MVB12B: variants seen among roughly 807,000 people sequenced by gnomAD.
MVB12B encodes ESCRT-I complex subunit MVB12B.
MVB12B carries 16 observed loss-of-function variants against 41.6 expected under a neutral mutation model. The observed-to-expected ratio is 0.38, with a 90% CI of 0.26 to 0.58. The LOEUF (loss-of-function observed/expected upper bound fraction) is 0.58, where lower values mean the gene tolerates loss of function less well. Ranked by LOEUF, MVB12B falls within the 20% of genes least tolerant of loss-of-function variation. The pLI is 0.62. For synonymous variants in MVB12B, 133 were observed against 139.7 expected (o/e 0.95, Z 0.34); for missense variants, 274 against 380.2 (o/e 0.72, Z 2.32).
rs541189865 is a variant in MVB12B at position 126,413,876 on chromosome 9, G to A, written c.663-7978G>A. Among the ~76,000 whole-genome samples, 14 of 147,424 alleles carry A rather than the reference G, an allele frequency of 9.5e-5. 1 individual carries two copies. In the South Asian group the frequency reaches 2.8e-3, roughly 30 times the overall value. On this transcript the variant is annotated intron_variant, in intron 6 of 9. Coordinates refer to ENST00000361171, the MANE Select transcript of MVB12B (RefSeq NM_033446.3). ...TGTATAAGGGTTGGGAGATCAAAGT[G>A]GCAGGTGCCTCTGACTATGAGTGCG... is the stretch of plus-strand genomic sequence containing the variant.
At chr9:126,487,766 C>CAAAAAA (rs570639548) in intron 9 of MVB12B, among the ~76,000 whole-genome samples, 1 of 108,904 alleles carries the variant, frequency 9.2e-6, no homozygotes, top group South Asian at 3.0e-4. Flanking sequence ...GACTCCGTCT[C>CAAAAAA]AAAAAAAAAA....
intron 1 of MVB12B, among the ~76,000 whole-genome samples, chr9:126,329,413 G>A (rs542804146): frequency 2.6e-5 from 4 of 152,250 alleles, no homozygotes; most frequent in African/African-American, 7.2e-5. Context: ...TTTCAGGTCC[G>A]ATGTTTATAC....
At chr9:126,364,792 C>T (rs2118903509) in intron 2 of MVB12B, among the ~76,000 whole-genome samples, 1 of 152,278 alleles carries the variant, frequency 6.6e-6, no homozygotes, top group African/African-American at 2.4e-5. Flanking sequence ...TGCTCTGTTG[C>T]CCAGGCTGGA....
Position 126,376,756 on chromosome 9 carries a change from TC to T in MVB12B, c.205-4304del. 8.2e-7 allele frequency: 1 copy of T among 1,223,680 alleles called. No homozygotes were observed. The highest frequency in any genetic ancestry group is 1.1e-6 in the Non-Finnish European group (1 of 952,064). The allele number at this position is 1,223,680 out of a possible 1,614,324, so 75.8% of individuals were successfully genotyped here. On this transcript the variant is annotated intron_variant, in intron 2 of 9. Transcript: ENST00000361171. The surrounding 1 kb of genome is among the most constrained non-coding windows in gnomAD (Gnocchi z 4.1). The stretch of plus-strand genomic sequence containing the variant: ...ACCTCCTCCTGACCTCCAGCCTCCT[TC>T]CCCACCTGCCGGGCTTGTAGAGTCC...
intron 7 of MVB12B, among the ~76,000 whole-genome samples, chr9:126,455,320 T>A (rs1832960007): frequency 6.6e-6 from 1 of 151,974 alleles, no homozygotes; most frequent in Non-Finnish European, 1.5e-5. Flanking sequence ...CCCGAGTAGA[T>A]GGGACAACAG....
At chr9:126,384,092 C>T (rs1351240769) in intron 3 of MVB12B, among the ~76,000 whole-genome samples, 1 of 152,020 alleles carries the variant, frequency 6.6e-6, no homozygotes. Context: ...GGAAAAGCAA[C>T]TGCCATGAAA....
chr9:126,427,956 C>CT lies in MVB12B; in HGVS notation c.757+6021dup, dbSNP rs11357346. Among the ~76,000 whole-genome samples, 340 of 142,328 alleles carry CT rather than the reference C, an allele frequency of 2.4e-3. 1 individual carries two copies. Among genetic ancestry groups the CT allele is most frequent in the African/African-American group, 7.3e-3 (286 of 38,958 alleles). 93.4% of individuals were successfully genotyped at this position (142,328 alleles called of 152,430 possible). The stretch of plus-strand genomic sequence containing the variant: ...CACTCCTCTGCCTTCAGCTTTTTTT[C>CT]TTTTTTTTTTTTTGCTTTTCTTTTT... On this transcript the variant is annotated intron_variant, in intron 7 of 9. Transcript: ENST00000361171.
chr9:126,377,151 T>G (rs895725870), intron 2 of MVB12B, among the ~76,000 whole-genome samples: 4 of 152,190 alleles, frequency 2.6e-5, no homozygotes, highest in South Asian at 2.1e-4. Context: ...GGAAGAGAGA[T>G]AAACCATGTG....
chr9:126,478,457 C>G lies in MVB12B; in HGVS notation c.758-2912C>G, dbSNP rs1833462351. Among the ~76,000 whole-genome samples the G allele has an allele frequency of 1.3e-5, 2 of 152,152 alleles. No individual in the cohort carries two copies. On this transcript the variant is annotated intron_variant, in intron 7 of 9. Transcript: ENST00000361171. This position sits in a 1 kb window ranked among gnomAD's most constrained non-coding sequence, Gnocchi z 4.2. ...ATGCAGAGGTGACTCGCACATGCAC[C>G]TACAATAAGAGGAGAGGAGACACGG...
At chr9:126,398,770 G>A (rs933439127) in intron 6 of MVB12B, among the ~76,000 whole-genome samples, 2 of 152,260 alleles carry the variant, frequency 1.3e-5, no homozygotes, top group Non-Finnish European at 2.9e-5. Flanking sequence ...GGAGGACCTA[G>A]GAAGCGGTGG....
chr9:126,481,123 T>C (rs1833515326), intron 7 of MVB12B: 1 of 530,818 alleles, frequency 1.9e-6, no homozygotes, highest in Admixed American at 3.5e-5. Context: ...CTCCTAGAGC[T>C]CTTGTCTACA....
At chr9:126,431,314 C>T (rs1832325793) in intron 7 of MVB12B, among the ~76,000 whole-genome samples, 1 of 152,172 alleles carries the variant, frequency 6.6e-6, no homozygotes, top group African/African-American at 2.4e-5. Flanking sequence ...GCCCACGATC[C>T]CTTTCTCAAG....
intron 2 of MVB12B, among the ~76,000 whole-genome samples, chr9:126,369,711 T>C (rs1830283597): frequency 6.6e-6 from 1 of 152,214 alleles, no homozygotes; most frequent in Non-Finnish European, 1.5e-5. Context: ...TAGAGTGCAA[T>C]AGCGCAATCT....
chr9:126,367,375 C>T lies in MVB12B; in HGVS notation c.205-13689C>T, dbSNP rs149625285. 3.3e-5 allele frequency among the ~76,000 whole-genome samples: 5 copies of T among 152,264 alleles called. No individual in the cohort carries two copies. Among genetic ancestry groups the T allele is most frequent in the African/African-American group, 9.6e-5 (4 of 41,558 alleles). ...TGGTCTGCTCTCTCTCTCTCATCCG[C>T]GTGGCCAGTGGTCCAGCCAACCCCA... On this transcript the variant is annotated intron_variant, in intron 2 of 9. Coordinates refer to ENST00000361171, the MANE Select transcript of MVB12B (RefSeq NM_033446.3). This position sits in a 1 kb window ranked among gnomAD's most constrained non-coding sequence, Gnocchi z 4.3.
intron 9 of MVB12B, 65 bp from the exon 10 acceptor site, chr9:126,503,112 G>A: frequency 7.4e-7 from 1 of 1,357,714 alleles, no homozygotes; most frequent in Non-Finnish European, 1.0e-6. Flanking sequence ...ATCTGAGGCT[G>A]TGGAGGGGTT....
At chr9:126,384,300 T>C (rs7853378) in intron 3 of MVB12B, among the ~76,000 whole-genome samples, 151,560 of 152,220 alleles carry the variant, frequency 1, 75,458 homozygotes, top group Middle Eastern at 1. Flanking sequence ...AAATTGTTGG[T>C]AAATATGATA....
intron 2 of MVB12B, among the ~76,000 whole-genome samples, chr9:126,353,296 T>C (rs1829800980): frequency 6.6e-6 from 1 of 152,216 alleles, no homozygotes; most frequent in African/African-American, 2.4e-5. Flanking sequence ...ATAAATACAC[T>C]CTCACTGTAA....
chr9:126,380,697 C>G (rs2286890), intron 2 of MVB12B, among the ~76,000 whole-genome samples: 32,833 of 152,156 alleles, frequency 0.22, 3,574 homozygotes, highest in East Asian at 0.27. Flanking sequence ...GCTCATCACA[C>G]CCAGTGGACT....
rs376447118 is a variant in MVB12B at position 126,398,563 on chromosome 9, C to G, written c.662+2866C>G. ...GTAATAGCAAGTCTGCATCTTGCTA[C>G]TCTTTTCTCAGGTAGCCTTAACCAT... On this transcript the variant is annotated intron_variant, in intron 6 of 9. Coordinates refer to ENST00000361171, the MANE Select transcript of MVB12B (RefSeq NM_033446.3). Among the ~76,000 whole-genome samples the G allele has an allele frequency of 2.4e-4, 37 of 152,330 alleles. No individual in the cohort carries two copies. The East Asian group carries it at 3.3e-3, about 14-fold the overall frequency.
Sources: gnomAD v4.1 joint callset for allele counts (sites outside exome capture counted in the v4.1 genomes callset) on GRCh38, gnomAD v4.1.1 for gene constraint, Gnocchi (gnomAD v3.1) non-coding constraint, MANE v1.5 for transcripts, NCBI Gene and HGNC (gene_info 2026-07-23, HGNC 2026-07-21) for gene names.